RUNX1: variants seen among roughly 807,000 people sequenced by gnomAD.
The protein encoded by RUNX1 is RUNX family transcription factor 1.
Under a neutral mutation model 42.8 loss-of-function variants are expected in RUNX1, and 19 were observed. The ratio of observed to expected loss-of-function variants is 0.44; its 90% CI spans 0.31 to 0.65. The LOEUF (loss-of-function observed/expected upper bound fraction) is 0.65, where lower values mean the gene tolerates loss of function less well. Ranked by LOEUF, RUNX1 falls within the 30% of genes least tolerant of loss-of-function variation. The probability of loss-of-function intolerance (pLI) is 0.07; values close to 1 mark genes in which losing one functional copy is unlikely to be tolerated. For missense variants in RUNX1, 528 were observed against 672.0 expected (o/e 0.79, Z 2.37); for synonymous variants, 271 against 289.4 (o/e 0.94, Z 0.64).
At chr21:34,917,468 C>G (rs2058320337) in intron 2 of RUNX1, among the ~76,000 whole-genome samples, 1 of 152,208 alleles carries the variant, frequency 6.6e-6, no homozygotes. Context: ...ATTCTACATC[C>G]TACACCTAAA....
intron 2 of RUNX1, among the ~76,000 whole-genome samples, chr21:34,894,503 AG>A: frequency 6.6e-6 from 1 of 152,080 alleles, no homozygotes; most frequent in South Asian, 2.1e-4. Context: ...GGGAAGGGGT[AG>A]GGGGTGAGCA....
intron 2 of RUNX1, among the ~76,000 whole-genome samples, chr21:34,926,812 T>A (rs1381903337): frequency 6.6e-6 from 1 of 151,544 alleles, no homozygotes; most frequent in Non-Finnish European, 1.5e-5. Flanking sequence ...CTTTCACCAT[T>A]GGCCAGACAG....
intron 2 of RUNX1, among the ~76,000 whole-genome samples, chr21:34,937,283 C>T (rs2058492887): frequency 6.8e-6 from 1 of 147,222 alleles, no homozygotes; most frequent in African/African-American, 2.5e-5. Context: ...CACAGATGGA[C>T]CTGGGAACAT....
chr21:35,027,574 T>C (rs1424708677), intron 2 of RUNX1, among the ~76,000 whole-genome samples: 3 of 152,168 alleles, frequency 2.0e-5, no homozygotes, highest in Non-Finnish European at 4.4e-5. Context: ...AAAATGAAAT[T>C]CCTTTAGGTT....
At chr21:34,914,082 A>T (rs1037213620) in intron 2 of RUNX1, among the ~76,000 whole-genome samples, 2 of 152,206 alleles carry the variant, frequency 1.3e-5, no homozygotes, top group Non-Finnish European at 2.9e-5. Context: ...ATTCTCTCTC[A>T]GTCAGTGTGA....
intron 3 of RUNX1, among the ~76,000 whole-genome samples, chr21:34,890,439 T>C (rs913595606): frequency 6.6e-6 from 1 of 152,076 alleles, no homozygotes; most frequent in East Asian, 1.9e-4. Context: ...GTGGGGACTC[T>C]CGGACCAGGC....
rs1249249539 is a variant in RUNX1 at position 34,835,717 on chromosome 21, C to G, written c.614-1116G>C. Among the ~76,000 whole-genome samples the G allele has an allele frequency of 2.6e-5, 4 of 152,134 alleles. No homozygotes were observed. The South Asian group carries it at 6.2e-4, about 24-fold the overall frequency. On this transcript the variant is annotated intron_variant, in intron 6 of 8. Transcript: ENST00000675419. The stretch of plus-strand genomic sequence containing the variant: ...ATGGTTCCAATAAAGAGTCCTTGAT[C>G]GATTGCACAACCTCTGTTCCCTATT...
intron 5 of RUNX1, among the ~76,000 whole-genome samples, chr21:34,873,449 C>T (rs2057768665): frequency 6.6e-6 from 1 of 152,178 alleles, no homozygotes. Context: ...AAGGTAAAAG[C>T]CCAAATTAAT....
At chr21:34,886,085 T>A (rs926701444) in intron 4 of RUNX1, among the ~76,000 whole-genome samples, 13 of 152,136 alleles carry the variant, frequency 8.5e-5, no homozygotes, top group Non-Finnish European at 1.6e-4. Context: ...CGCCGCCCCC[T>A]CCTCTAGCAG....
At chr21:34,845,839 T>C (rs2057307025) in intron 6 of RUNX1, among the ~76,000 whole-genome samples, 1 of 152,158 alleles carries the variant, frequency 6.6e-6, no homozygotes, top group Admixed American at 6.5e-5. Flanking sequence ...CTTTCCAAAC[T>C]CCACACAAGC....
At chr21:35,012,008 CT>C in intron 2 of RUNX1, among the ~76,000 whole-genome samples, 1 of 152,286 alleles carries the variant, frequency 6.6e-6, no homozygotes, top group Middle Eastern at 3.4e-3. Context: ...TGGATGTCTT[CT>C]GGCAGGTGCT....
At chr21:34,921,758 A>G (rs2146557404) in intron 2 of RUNX1, among the ~76,000 whole-genome samples, 1 of 151,996 alleles carries the variant, frequency 6.6e-6, no homozygotes, top group East Asian at 1.9e-4. Flanking sequence ...CAGCCTCCCT[A>G]GTGGCTGGAA....
At chr21:34,815,384 G>A (rs1185617609) in intron 7 of RUNX1, among the ~76,000 whole-genome samples, 1 of 152,172 alleles carries the variant, frequency 6.6e-6, no homozygotes, top group Non-Finnish European at 1.5e-5. Context: ...AGGTTCCTTG[G>A]CTTTTGTAGT....
At chr21:35,022,886 A>C (rs2059209144) in intron 2 of RUNX1, among the ~76,000 whole-genome samples, 1 of 64,344 alleles carries the variant, frequency 1.6e-5, no homozygotes, top group African/African-American at 5.1e-5. Context: ...CATGAATGAT[A>C]CTCTGTTTGA....
chr21:34,837,055 G>A (rs2057157608), intron 6 of RUNX1, among the ~76,000 whole-genome samples: 1 of 152,224 alleles, frequency 6.6e-6, no homozygotes, highest in Non-Finnish European at 1.5e-5. Context: ...AGAAATGAGA[G>A]CTTTAACTTG....
At chr21:34,889,387 G>GT (rs1012515458) in intron 3 of RUNX1, among the ~76,000 whole-genome samples, 117 of 152,016 alleles carry the variant, frequency 7.7e-4, no homozygotes, top group African/African-American at 2.4e-3. Context: ...TGTAATGGGT[G>GT]TTTTTTACCG....
chr21:34,866,879 G>C (rs113457404), intron 5 of RUNX1, among the ~76,000 whole-genome samples: 49 of 152,332 alleles, frequency 3.2e-4, no homozygotes, highest in African/African-American at 1.2e-3. Context: ...ACCCTCAAAA[G>C]TCAGACTGAA....
At chr21:34,909,672 C>CT (rs11428997) in intron 2 of RUNX1, among the ~76,000 whole-genome samples, 151,730 of 151,730 alleles carry the variant, frequency 1, 75,865 homozygotes, top group Non-Finnish European at 1. Flanking sequence ...GTCTGGAAGA[C>CT]TGCCTTAGGC....
At chr21:34,887,567 T>C (rs2058016921) in intron 3 of RUNX1, 1 of 1,127,574 alleles carries the variant, frequency 8.9e-7, no homozygotes, top group Non-Finnish European at 1.1e-6. Context: ...AGGTGAGTTT[T>C]GTCTAAAGTC....
Sources: gnomAD v4.1 joint callset for allele counts (sites outside exome capture counted in the v4.1 genomes callset) on GRCh38, gnomAD v4.1.1 for gene constraint, MANE v1.5 for transcripts, NCBI Gene and HGNC (gene_info 2026-07-23, HGNC 2026-07-21) for gene names.